MORC1: variants seen among roughly 807,000 people sequenced by gnomAD.
MORC1 encodes MORC family CW-type zinc finger protein 1.
MORC1 carries 59 observed loss-of-function variants against 134.9 expected under a neutral mutation model. The observed-to-expected ratio is 0.44, with a 90% CI of 0.35 to 0.54. The LOEUF (loss-of-function observed/expected upper bound fraction) is 0.54. Among genes scored for constraint, MORC1 ranks in the 20% least tolerant of loss-of-function variants. The pLI, the probability that MORC1 is intolerant of heterozygous loss-of-function variation, is 0.00. For missense variants in MORC1, 947 were observed against 1,134.5 expected, an observed-to-expected ratio of 0.83 and a Z score of 2.37; for synonymous variants, 395 against 391.7, an observed-to-expected ratio of 1.01 and a Z score of -0.10.
At chr3:109,109,988 G>A (rs1327661634) in intron 3 of MORC1, 1 of 152,246 alleles carries the variant, frequency 6.6e-6, no homozygotes, top group African/African-American at 2.4e-5. Context: ...ACCTGGAGAG[G>A]AGAAGGAGAT....
Position 109,090,244 on chromosome 3 carries a change from AC to A in MORC1, c.689+3191del, listed in dbSNP as rs578195268. Reference sequence around the variant, plus strand: ...GACGTGATTGTCATCTTGAAAGAAAACCCTGCCACTGGTCTGATTACTGCTG... The same window carrying A: ...GACGTGATTGTCATCTTGAAAGAAAACCTGCCACTGGTCTGATTACTGCTG... On this transcript the variant is annotated intron_variant, in intron 8 of 27. Transcript: ENST00000232603. Among the ~76,000 whole-genome samples the A allele has an allele frequency of 2.7e-3, 416 of 152,116 alleles. 1 individual carries two copies. Among genetic ancestry groups the A allele is most frequent in the Non-Finnish European group, 4.0e-3 (270 of 67,990 alleles).
intron 14 of MORC1, among the ~76,000 whole-genome samples, chr3:109,045,910 TTTTCTCTAGTTCC>T (rs1274093573): frequency 4.6e-5 from 7 of 152,260 alleles, no homozygotes; most frequent in African/African-American, 1.7e-4. Context: ...TGTAGCATCA[TTTTCTCTAGTTCC>T]GTATCACTGG....
chr3:109,059,938 T>C, intron 11 of MORC1, 68 bp from the exon 12 acceptor site: 2 of 1,317,428 alleles, frequency 1.5e-6, no homozygotes, highest in Non-Finnish European at 2.1e-6. Context: ...GTTGATATTA[T>C]CCTATTATCC....
chr3:109,069,274 T>C (rs575863017), intron 9 of MORC1, among the ~76,000 whole-genome samples: 41 of 152,304 alleles, frequency 2.7e-4, no homozygotes, highest in African/African-American at 8.4e-4. Context: ...TATAAATATG[T>C]ATATATATGG....
At position 109,007,077 on chromosome 3, in the gene MORC1, T is replaced by C. The variant is rs377531058; in HGVS notation, c.1719A>G (p.Pro573=). The C allele has an allele frequency of 1.2e-6, 2 of 1,611,328 alleles. No individual in the cohort carries two copies. The highest frequency in any genetic ancestry group is 1.7e-6 in the Non-Finnish European group (2 of 1,178,744). ...AEQQPQPQFI[P]VDEITVTSTC... ...TGGAAGTGACAGTGATTTCGTCCAC[T>C]GGTATAAATTGAGGCTTTATGGGAA... The change falls in exon 18 of 28, where the codon CCA becomes CCG. Residue 573 remains proline (P), a synonymous_variant. Transcript: ENST00000232603.
chr3:109,062,958 AATT>A (rs1297990495), intron 10 of MORC1, among the ~76,000 whole-genome samples, 191 bp downstream of exon 10: 1 of 152,156 alleles, frequency 6.6e-6, no homozygotes, highest in Non-Finnish European at 1.5e-5. Context: ...TTATAATAAT[AATT>A]AATATCATGA....
intron 8 of MORC1, among the ~76,000 whole-genome samples, chr3:109,086,296 C>T (rs960676552): frequency 7.2e-5 from 11 of 151,952 alleles, no homozygotes; most frequent in Non-Finnish European, 1.3e-4. Flanking sequence ...TCCCAATTAC[C>T]TCTATTTTAA....
intron 17 of MORC1, among the ~76,000 whole-genome samples, chr3:109,021,943 C>T (rs1220444045): frequency 2.0e-5 from 3 of 152,286 alleles, no homozygotes; most frequent in East Asian, 1.9e-4. Flanking sequence ...ACTAGTTAAT[C>T]ATAAGGCAAT....
At chr3:109,033,012 A>C (rs1302616680) in intron 15 of MORC1, among the ~76,000 whole-genome samples, 187 bp from the exon 16 acceptor site, 1 of 126,228 alleles carries the variant, frequency 7.9e-6, no homozygotes, top group South Asian at 2.4e-4. Context: ...TCAAGACCCC[A>C]CCAACAAGTT....
At position 109,094,945 on chromosome 3, in the gene MORC1, A is replaced by C. The variant is rs1950801045; in HGVS notation, c.547T>G (p.Leu183Val). ...KYSPFKTEAELMQQFDVIYGK... is the reference protein window; with the variant it reads ...KYSPFKTEAEVMQQFDVIYGK... ...TAGATCACATCAAACTGCTGCATCA[A>C]TTCTGCTTCAGTTTTAAATGGGGAG... The change falls in exon 7 of 28, where the codon TTG becomes GTG. Residue 183 changes from leucine (L) to valine (V), a missense_variant. Transcript: ENST00000232603. The C allele has an allele frequency of 6.3e-7, 1 of 1,585,014 alleles. No individual in the cohort carries two copies. The highest frequency in any genetic ancestry group is 2.3e-5 in the East Asian group (1 of 44,302).
chr3:109,014,450 A>C (rs1948769199), intron 17 of MORC1, among the ~76,000 whole-genome samples: 1 of 152,216 alleles, frequency 6.6e-6, no homozygotes, highest in Non-Finnish European at 1.5e-5. Context: ...TCTACTCTAC[A>C]TTCAAAAGGT....
chr3:109,054,598 T>C, intron 14 of MORC1, 130 bp downstream of exon 14: 1 of 806,408 alleles, frequency 1.2e-6, no homozygotes, highest in Non-Finnish European at 1.8e-6. Flanking sequence ...CTCCTGTTTT[T>C]AAAGCAGGAG....
intron 27 of MORC1, among the ~76,000 whole-genome samples, chr3:108,961,773 T>A (rs1378108852): frequency 6.6e-6 from 1 of 152,258 alleles, no homozygotes; most frequent in Non-Finnish European, 1.5e-5. Context: ...TTACTCTGGC[T>A]GCTGCTTAAG....
At chr3:108,970,295 T>A (rs1016572624) in intron 25 of MORC1, among the ~76,000 whole-genome samples, 5 of 151,422 alleles carry the variant, frequency 3.3e-5, no homozygotes, top group Admixed American at 6.6e-5. Flanking sequence ...TAAAAATAAA[T>A]AAAAAATAAA....
chr3:109,007,195 A>G, intron 17 of MORC1, 104 bp from the exon 18 acceptor site: 1 of 798,358 alleles, frequency 1.3e-6, no homozygotes, highest in Non-Finnish European at 2.0e-6. Context: ...AAGGGTCAAG[A>G]TAGCAAACCC....
intron 8 of MORC1, among the ~76,000 whole-genome samples, chr3:109,071,794 C>T: frequency 6.6e-6 from 1 of 152,084 alleles, no homozygotes; most frequent in Non-Finnish European, 1.5e-5. Flanking sequence ...AGCGAAGTTC[C>T]AGAGTCCCAG....
chr3:109,045,572 T>C (rs974957670), intron 14 of MORC1, among the ~76,000 whole-genome samples: 2 of 152,168 alleles, frequency 1.3e-5, no homozygotes, highest in African/African-American at 2.4e-5. Flanking sequence ...GCAAGGGTAA[T>C]TGAGGCCTAT....
intron 23 of MORC1, 75 bp downstream of exon 23, chr3:108,984,641 A>G: frequency 8.9e-7 from 1 of 1,126,606 alleles, no homozygotes; most frequent in Non-Finnish European, 1.3e-6. Flanking sequence ...TTCTTCTTGT[A>G]TTTAAACATT....
intron 23 of MORC1, among the ~76,000 whole-genome samples, chr3:108,984,468 T>G (rs572382261): frequency 6.6e-6 from 1 of 152,350 alleles, no homozygotes; most frequent in South Asian, 2.1e-4. Flanking sequence ...TTTGAATTGG[T>G]TACTTGCTGT....
Sources: gnomAD v4.1 joint callset for allele counts (sites outside exome capture counted in the v4.1 genomes callset) on GRCh38, gnomAD v4.1.1 for gene constraint, MANE v1.5 for transcripts, NCBI Gene and HGNC (gene_info 2026-07-23, HGNC 2026-07-21) for gene names.